DLG2: variants seen among roughly 807,000 people sequenced by gnomAD.
The protein encoded by DLG2 is discs large MAGUK scaffold protein 2.
DLG2 carries 45 observed loss-of-function variants against 132.5 expected under a neutral mutation model. The observed-to-expected ratio is 0.34, with a 90% CI of 0.27 to 0.44. DLG2 has a LOEUF of 0.44. DLG2 is among the 20% of genes least tolerant of loss of function. The probability of loss-of-function intolerance (pLI) is 1.00; values close to 1 mark genes in which losing one functional copy is unlikely to be tolerated. For synonymous variants in DLG2, 424 were observed against 419.6 expected (o/e 1.01, Z -0.13); for missense variants, 1,045 against 1,196.9 (o/e 0.87, Z 1.87).
intron 12 of DLG2, among the ~76,000 whole-genome samples, chr11:83,977,021 A>G (rs2092316662): frequency 6.6e-6 from 1 of 152,016 alleles, no homozygotes; most frequent in South Asian, 2.1e-4. Flanking sequence ...AACATTAATT[A>G]TGAAGCTACT....
intron 17 of DLG2, among the ~76,000 whole-genome samples, chr11:83,810,529 T>C (rs1461982694): frequency 3.3e-5 from 5 of 152,090 alleles, no homozygotes; most frequent in Non-Finnish European, 7.4e-5. Context: ...TGTCATCATT[T>C]AGCTTTGGAA....
chr11:85,199,728 T>C (rs2152548029), intron 4 of DLG2, among the ~76,000 whole-genome samples: 1 of 152,218 alleles, frequency 6.6e-6, no homozygotes, highest in African/African-American at 2.4e-5. Context: ...CACAAAATAA[T>C]AAACAATATA....
chr11:85,340,991 C>T (rs2082454649), intron 3 of DLG2, among the ~76,000 whole-genome samples: 1 of 152,196 alleles, frequency 6.6e-6, no homozygotes, highest in South Asian at 2.1e-4. Context: ...ACACAGTTAT[C>T]TCAGAACCAT....
chr11:83,703,841 T>G (rs2083406805), intron 18 of DLG2, among the ~76,000 whole-genome samples: 1 of 152,168 alleles, frequency 6.6e-6, no homozygotes, highest in South Asian at 2.1e-4. Context: ...CCTAAAAGTT[T>G]AATAATGGTA....
At chr11:84,242,493 C>A (rs1054091211) in intron 8 of DLG2, among the ~76,000 whole-genome samples, 2 of 151,806 alleles carry the variant, frequency 1.3e-5, no homozygotes, top group African/African-American at 4.8e-5. Flanking sequence ...GCAACTGCTG[C>A]CTCCCAGGTT....
At chr11:83,907,469 G>A (rs945893583) in intron 15 of DLG2, among the ~76,000 whole-genome samples, 6 of 152,080 alleles carry the variant, frequency 3.9e-5, no homozygotes, top group African/African-American at 1.2e-4. Flanking sequence ...TGGAGTGAAC[G>A]AGAGTTATTT....
At chr11:84,715,197 T>A (rs1012072689) in intron 6 of DLG2, among the ~76,000 whole-genome samples, 1 of 152,214 alleles carries the variant, frequency 6.6e-6, no homozygotes, top group Admixed American at 6.5e-5. Flanking sequence ...TCAGTTGAGC[T>A]GTTATATTAA....
intron 3 of DLG2, among the ~76,000 whole-genome samples, chr11:85,431,095 A>G (rs954849247): frequency 6.6e-6 from 1 of 152,174 alleles, no homozygotes; most frequent in Non-Finnish European, 1.5e-5. Context: ...TCAAGTTTTT[A>G]TGAGAAGATA....
At chr11:84,359,515 G>T (rs1399579086) in intron 7 of DLG2, among the ~76,000 whole-genome samples, 2 of 151,816 alleles carry the variant, frequency 1.3e-5, no homozygotes, top group African/African-American at 4.8e-5. Context: ...TTATTGTCTA[G>T]GGTGTCTGGA....
intron 6 of DLG2, among the ~76,000 whole-genome samples, chr11:84,774,614 G>A (rs1424358485): frequency 6.6e-6 from 1 of 150,688 alleles, no homozygotes; most frequent in Admixed American, 6.6e-5. Context: ...TAGACCAATG[G>A]GGCCGAGAAC....
intron 19 of DLG2, among the ~76,000 whole-genome samples, chr11:83,613,287 C>A (rs2060366068): frequency 6.6e-6 from 1 of 152,180 alleles, no homozygotes; most frequent in Non-Finnish European, 1.5e-5. Flanking sequence ...GAATTTACTG[C>A]AAGCCCAGTC....
At chr11:85,001,955 A>G (rs929173408) in intron 6 of DLG2, among the ~76,000 whole-genome samples, 7 of 152,128 alleles carry the variant, frequency 4.6e-5, no homozygotes, top group Admixed American at 2.6e-4. Flanking sequence ...TCTAAAAACA[A>G]CTTCCCTAAA....
At chr11:83,522,805 C>A (rs1458693661) in intron 21 of DLG2, among the ~76,000 whole-genome samples, 167 of 24,022 alleles carry the variant, frequency 7.0e-3, no homozygotes, top group African/African-American at 0.03. Context: ...AATTTTAGAG[C>A]CCCCCCCCCC....
At chr11:83,869,763 T>C (rs2063079596) in intron 16 of DLG2, among the ~76,000 whole-genome samples, 1 of 152,210 alleles carries the variant, frequency 6.6e-6, no homozygotes, top group Non-Finnish European at 1.5e-5. Flanking sequence ...AAGGTGGTCA[T>C]TTAGTTTCCT....
At chr11:84,831,293 T>C (rs1280981530) in intron 6 of DLG2, among the ~76,000 whole-genome samples, 1 of 151,562 alleles carries the variant, frequency 6.6e-6, no homozygotes, top group African/African-American at 2.4e-5. Flanking sequence ...TTACGTTGTT[T>C]CTATGTCATC....
At chr11:83,827,947 A>G (rs552638201) in intron 17 of DLG2, among the ~76,000 whole-genome samples, 1 of 152,314 alleles carries the variant, frequency 6.6e-6, no homozygotes, top group East Asian at 1.9e-4. Flanking sequence ...TAAAAGAGAA[A>G]CTAGAAAAGA....
At chr11:83,522,589 T>A (rs1180384760) in intron 21 of DLG2, among the ~76,000 whole-genome samples, 2 of 152,218 alleles carry the variant, frequency 1.3e-5, no homozygotes. Flanking sequence ...TACACCATGT[T>A]CTTTCTTCTC....
intron 5 of DLG2, among the ~76,000 whole-genome samples, chr11:85,136,559 C>G (rs1476258840): frequency 6.6e-6 from 1 of 152,090 alleles, no homozygotes; most frequent in African/African-American, 2.4e-5. Flanking sequence ...AAAGCCTCAG[C>G]CTGCAAGCTG....
intron 7 of DLG2, among the ~76,000 whole-genome samples, chr11:84,259,885 A>G (rs2097530027): frequency 6.6e-6 from 1 of 152,210 alleles, no homozygotes; most frequent in Admixed American, 6.5e-5. Context: ...TCCAAAGTGG[A>G]TAAATCCTAA....
Sources: gnomAD v4.1 joint callset for allele counts (sites outside exome capture counted in the v4.1 genomes callset) on GRCh38, gnomAD v4.1.1 for gene constraint, MANE v1.5 for transcripts, NCBI Gene and HGNC (gene_info 2026-07-23, HGNC 2026-07-21) for gene names.